TOM1L2: variants seen among roughly 807,000 people sequenced by gnomAD.
TOM1L2 encodes the protein target of myb1 like 2 membrane trafficking protein, also known as TOM1-like protein 2.
A neutral mutation model predicts 67.9 loss-of-function variants in TOM1L2; 31 were observed. The ratio of observed to expected loss-of-function variants is 0.46; its 90% confidence interval spans 0.34 to 0.62. TOM1L2 has a LOEUF of 0.62. Among genes scored for constraint, TOM1L2 ranks in the 20% least tolerant of loss-of-function variants. The pLI is 0.01. For missense variants in TOM1L2, 606 were observed against 663.5 expected (o/e 0.91, Z 0.95); for synonymous variants, 256 against 254.0 (o/e 1.01, Z -0.07).
chr17:17,867,566 G>A (rs773242434), intron 8 of TOM1L2, among the ~76,000 whole-genome samples: 1 of 152,136 alleles, frequency 6.6e-6, no homozygotes, highest in Non-Finnish European at 1.5e-5. Context: ...GTCAGGTGGG[G>A]AACGGAAGAG....
At chr17:17,943,101 A>C (rs1238745285) in intron 1 of TOM1L2, among the ~76,000 whole-genome samples, 1 of 152,226 alleles carries the variant, frequency 6.6e-6, no homozygotes, top group Non-Finnish European at 1.5e-5. Context: ...ACAGAGGTTC[A>C]TTACACTGTT....
At chr17:17,861,662 T>C in intron 11 of TOM1L2, 111 bp from the exon 12 acceptor site, 2 of 914,334 alleles carry the variant, frequency 2.2e-6, no homozygotes, top group Non-Finnish European at 3.4e-6. Context: ...TCAGATGTCC[T>C]TGGAAAAACA....
chr17:17,857,895 G>A (rs1452320113), intron 12 of TOM1L2: 10 of 1,496,084 alleles, frequency 6.7e-6, no homozygotes, highest in African/African-American at 1.4e-5. Context: ...TGAGAAAGAA[G>A]TCAATAGCAC....
At chr17:17,881,738 C>A (rs959192083) in intron 6 of TOM1L2, among the ~76,000 whole-genome samples, 6 of 152,194 alleles carry the variant, frequency 3.9e-5, no homozygotes, top group Admixed American at 3.9e-4. Context: ...GGGGCTCACA[C>A]CCAGGCCCTG....
At chr17:17,913,699 C>A (rs1382740901) in intron 1 of TOM1L2, among the ~76,000 whole-genome samples, 2 of 152,050 alleles carry the variant, frequency 1.3e-5, no homozygotes, top group Non-Finnish European at 2.9e-5. Flanking sequence ...AACTCAAATC[C>A]CAGTAATTGA....
At chr17:17,966,186 G>A (rs1814544316) in intron 1 of TOM1L2, among the ~76,000 whole-genome samples, 1 of 152,092 alleles carries the variant, frequency 6.6e-6, no homozygotes, top group Non-Finnish European at 1.5e-5. Flanking sequence ...ATTACCACCT[G>A]AGGTCACCCC....
At chr17:17,971,102 A>G (rs915753922) in intron 1 of TOM1L2, among the ~76,000 whole-genome samples, 1 of 152,114 alleles carries the variant, frequency 6.6e-6, no homozygotes, top group Admixed American at 6.5e-5. Context: ...CATCCCCCCT[A>G]TAGGATTAAC....
At chr17:17,956,831 C>T (rs1047862822) in intron 1 of TOM1L2, among the ~76,000 whole-genome samples, 1 of 152,204 alleles carries the variant, frequency 6.6e-6, no homozygotes, top group African/African-American at 2.4e-5. Context: ...ACGCGCAGCC[C>T]GGTTCCCGCC....
chr17:17,848,795 G>A, intron 14 of TOM1L2, 28 bp downstream of exon 14: 2 of 1,613,426 alleles, frequency 1.2e-6, no homozygotes, highest in Non-Finnish European at 8.5e-7. Flanking sequence ...AACAAAAGGG[G>A]GCTGTAAGGC....
intron 1 of TOM1L2, among the ~76,000 whole-genome samples, chr17:17,960,992 AGGC>A: frequency 6.6e-6 from 1 of 152,250 alleles, no homozygotes; most frequent in East Asian, 1.9e-4. Flanking sequence ...GAGTATAAAA[AGGC>A]AACCCACAGA....
At chr17:17,964,066 G>T (rs2041793922) in intron 1 of TOM1L2, among the ~76,000 whole-genome samples, 1 of 152,214 alleles carries the variant, frequency 6.6e-6, no homozygotes, top group African/African-American at 2.4e-5. Flanking sequence ...GTAGGAAGAG[G>T]TGAGGGCTGA....
intron 1 of TOM1L2, among the ~76,000 whole-genome samples, chr17:17,924,814 G>A (rs1176077406): frequency 6.6e-6 from 1 of 152,146 alleles, no homozygotes; most frequent in Non-Finnish European, 1.5e-5. Flanking sequence ...ATAAAAAAGT[G>A]ATGATTAAAT....
intron 7 of TOM1L2, among the ~76,000 whole-genome samples, chr17:17,871,100 G>A (rs1236190082): frequency 1.3e-5 from 2 of 152,220 alleles, no homozygotes; most frequent in Admixed American, 1.3e-4. Flanking sequence ...GCCAGGTGTG[G>A]TGGCTCACGC....
intron 1 of TOM1L2, among the ~76,000 whole-genome samples, chr17:17,948,582 G>A (rs1368696179): frequency 2.6e-5 from 4 of 152,162 alleles, no homozygotes; most frequent in Non-Finnish European, 4.4e-5. Flanking sequence ...AACCCGGGAG[G>A]TGGAGGTTGC....
intron 2 of TOM1L2, 88 bp downstream of exon 2, chr17:17,907,359 A>G (rs2039144446): frequency 2.4e-6 from 3 of 1,233,490 alleles, no homozygotes; most frequent in Non-Finnish European, 3.4e-6. Flanking sequence ...AAAACAAAAA[A>G]TAAAACCTGC....
At chr17:17,936,591 A>T (rs1302152678) in intron 1 of TOM1L2, among the ~76,000 whole-genome samples, 4 of 152,194 alleles carry the variant, frequency 2.6e-5, no homozygotes, top group Admixed American at 2.6e-4. Context: ...GAAATAATCT[A>T]AATGTCCAAC....
intron 1 of TOM1L2, among the ~76,000 whole-genome samples, chr17:17,912,844 T>G (rs8068281): frequency 0.57 from 85,469 of 151,198 alleles, 26,949 homozygotes; most frequent in East Asian, 0.94. Flanking sequence ...CGGCTGGGAG[T>G]TGGAGGTTGT....
At chr17:17,933,162 T>C (rs1010358426) in intron 1 of TOM1L2, among the ~76,000 whole-genome samples, 9 of 152,332 alleles carry the variant, frequency 5.9e-5, no homozygotes, top group African/African-American at 2.2e-4. Flanking sequence ...CTTCTTCCTC[T>C]GCCATCCTTG....
intron 1 of TOM1L2, among the ~76,000 whole-genome samples, chr17:17,921,466 C>T (rs1209167560): frequency 6.6e-6 from 1 of 152,144 alleles, no homozygotes; most frequent in African/African-American, 2.4e-5. Context: ...AATGGAATAA[C>T]TTACGTGTGA....
Sources: allele counts gnomAD v4.1 joint callset (sites outside exome capture counted in the v4.1 genomes callset), GRCh38; gene constraint gnomAD v4.1.1; transcripts MANE v1.5; gene names NCBI Gene and HGNC (gene_info 2026-07-23, HGNC 2026-07-21).